The following MTA3 variants were observed in gnomAD, a reference collection of about 807,000 sequenced individuals.
MTA3 encodes the protein metastasis associated 1 family member 3, also known as metastasis-associated protein MTA3.
In MTA3, 34 loss-of-function variants were observed where a neutral mutation model predicts 83.5. The observed-to-expected ratio is 0.41, with a 90% CI of 0.31 to 0.54. The LOEUF is 0.54. MTA3 is among the 20% of genes least tolerant of loss of function. MTA3 has a pLI of 0.33. For missense variants in MTA3, 761 were observed against 726.4 expected (o/e 1.05, Z -0.55); for synonymous variants, 303 against 252.7 (o/e 1.20, Z -1.89).
chr2:42,602,862 C>T (rs1476775247), intron 3 of MTA3, among the ~76,000 whole-genome samples: 1 of 152,154 alleles, frequency 6.6e-6, no homozygotes, highest in Non-Finnish European at 1.5e-5. Context: ...AGCCATCCAC[C>T]CCCTTTCCCT....
At chr2:42,751,565 C>T (rs1345833411) in intron 16 of MTA3, among the ~76,000 whole-genome samples, 1 of 152,078 alleles carries the variant, frequency 6.6e-6, no homozygotes, top group African/African-American at 2.4e-5. Flanking sequence ...ATTCTTCAGC[C>T]CAGAATACAG....
At chr2:42,707,879 TTTC>T in intron 12 of MTA3, 21 bp from the exon 13 acceptor site, 1 of 1,499,154 alleles carries the variant, frequency 6.7e-7, no homozygotes, top group Non-Finnish European at 8.9e-7. Flanking sequence ...TTTTTCGTTT[TTTC>T]TTATTTTTCT....
At chr2:42,551,081 A>T (rs146457846) in intron 2 of MTA3, among the ~76,000 whole-genome samples, 2,484 of 151,668 alleles carry the variant, frequency 0.016, 62 homozygotes, top group African/African-American at 0.057. Flanking sequence ...ATAAATAAAT[A>T]AATAAATTAA....
At chr2:42,663,284 T>A (rs1399804068) in intron 8 of MTA3, among the ~76,000 whole-genome samples, 2 of 152,200 alleles carry the variant, frequency 1.3e-5, no homozygotes, top group Non-Finnish European at 2.9e-5. Flanking sequence ...AGGGCCTGTG[T>A]GGGCTCTTGG....
intron 2 of MTA3, among the ~76,000 whole-genome samples, chr2:42,560,951 T>G (rs1677647271): frequency 6.6e-6 from 1 of 152,114 alleles, no homozygotes; most frequent in Non-Finnish European, 1.5e-5. Context: ...ATTCCATGTT[T>G]AAAAACTTCT....
intron 2 of MTA3, among the ~76,000 whole-genome samples, chr2:42,530,669 C>T (rs1272767095): frequency 1.3e-5 from 2 of 151,760 alleles, no homozygotes; most frequent in Admixed American, 1.3e-4. Flanking sequence ...CCTATAATCC[C>T]AGCTACTCGG....
chr2:42,745,672 C>G (rs749024385), intron 16 of MTA3, among the ~76,000 whole-genome samples: 1 of 152,044 alleles, frequency 6.6e-6, no homozygotes, highest in Non-Finnish European at 1.5e-5. Flanking sequence ...AGATATGAGC[C>G]ACTGCACCCA....
At chr2:42,502,314 A>G (rs1674432397) in intron 2 of MTA3, among the ~76,000 whole-genome samples, 1 of 152,166 alleles carries the variant, frequency 6.6e-6, no homozygotes, top group African/African-American at 2.4e-5. Flanking sequence ...GAATTTTAGA[A>G]CAAAGAATGG....
At chr2:42,626,296 A>AT (rs201522919) in intron 4 of MTA3, among the ~76,000 whole-genome samples, 2,977 of 140,604 alleles carry the variant, frequency 0.021, 326 homozygotes, top group Admixed American at 0.19. Flanking sequence ...CAGGAGCTCC[A>AT]TTTTTTTAAA....
intron 2 of MTA3, among the ~76,000 whole-genome samples, chr2:42,531,721 C>G (rs975943529): frequency 6.6e-6 from 1 of 151,446 alleles, no homozygotes; most frequent in African/African-American, 2.4e-5. Flanking sequence ...AAAGTGCTGG[C>G]ATTACAGAAG....
intron 2 of MTA3, among the ~76,000 whole-genome samples, chr2:42,559,898 CA>C (rs955947112): frequency 0.015 from 1,812 of 123,288 alleles, 39 homozygotes; most frequent in African/African-American, 0.049. Flanking sequence ...AACTCCATCT[CA>C]AAAAAAAAAA....
At chr2:42,705,062 G>T (rs753922149) in intron 12 of MTA3, among the ~76,000 whole-genome samples, 1 of 152,144 alleles carries the variant, frequency 6.6e-6, no homozygotes. Context: ...CCCATTTTGG[G>T]TTCTTAGTAG....
intron 2 of MTA3, among the ~76,000 whole-genome samples, chr2:42,537,052 A>T (rs148149599): frequency 6.6e-6 from 1 of 152,314 alleles, no homozygotes; most frequent in East Asian, 1.9e-4. Context: ...ACATTGTCAC[A>T]GTGATACAGC....
intron 3 of MTA3, among the ~76,000 whole-genome samples, chr2:42,593,413 A>G (rs1681283706): frequency 6.6e-6 from 1 of 152,124 alleles, no homozygotes; most frequent in Non-Finnish European, 1.5e-5. Context: ...TATCTATGTC[A>G]AGTGTTAGTA....
At position 42,753,869 on chromosome 2, in the gene MTA3, C is replaced by T. The variant is rs550388159; in HGVS notation, c.*470C>T. 1.6e-4 allele frequency: 163 copies of T among 989,710 alleles called. No homozygotes were observed. The highest frequency in any genetic ancestry group is 1.8e-4 in the Non-Finnish European group (153 of 832,626). 61.3% of individuals were successfully genotyped at this position (989,710 alleles called of 1,614,324 possible). A position where few individuals can be genotyped will look rare whatever the true frequency, so the allele number is the denominator to read the frequency against. On this transcript the variant is annotated 3_prime_UTR_variant, in exon 17 of 17. Coordinates refer to ENST00000405094, the MANE Select transcript of MTA3 (RefSeq NM_001330442.2). ...CTGAATGGATTTTTCTTAAGAAATGCGCCAGTGTTTATGAGGTTCAAGGTA... is the reference window on the plus strand; with the variant it reads ...CTGAATGGATTTTTCTTAAGAAATGTGCCAGTGTTTATGAGGTTCAAGGTA...
intron 15 of MTA3, among the ~76,000 whole-genome samples, chr2:42,721,419 C>G (rs1279730117): frequency 6.6e-6 from 1 of 151,732 alleles, no homozygotes; most frequent in African/African-American, 2.4e-5. Context: ...CCTCCACTTC[C>G]CAGGCTCAGG....
At chr2:42,551,517 A>G (rs1677109893) in intron 2 of MTA3, among the ~76,000 whole-genome samples, 1 of 151,968 alleles carries the variant, frequency 6.6e-6, no homozygotes, top group Non-Finnish European at 1.5e-5. Context: ...TCTATCTGCC[A>G]GGTGTGCCCT....
chr2:42,587,500 A>T (rs1427159828), intron 3 of MTA3, among the ~76,000 whole-genome samples: 1 of 152,206 alleles, frequency 6.6e-6, no homozygotes, highest in Non-Finnish European at 1.5e-5. Flanking sequence ...ACAAAAATGT[A>T]TACACACGTT....
intron 3 of MTA3, among the ~76,000 whole-genome samples, chr2:42,589,570 TGAGA>T (rs1680726191): frequency 6.6e-6 from 1 of 152,180 alleles, no homozygotes; most frequent in African/African-American, 2.4e-5. Context: ...TTTGTTTTTT[TGAGA>T]GAGAGTTTTG....
Sources: allele counts gnomAD v4.1 joint callset (sites outside exome capture counted in the v4.1 genomes callset), GRCh38; gene constraint gnomAD v4.1.1; transcripts MANE v1.5; gene names NCBI Gene and HGNC (gene_info 2026-07-23, HGNC 2026-07-21).